KCNH8: variants seen among roughly 807,000 people sequenced by gnomAD.
KCNH8 encodes voltage-gated delayed rectifier potassium channel KCNH8.
A neutral mutation model predicts 103.6 loss-of-function variants in KCNH8; 70 were observed. That is an observed-to-expected ratio of 0.68 (90% CI 0.56 to 0.82). The LOEUF is 0.82. Among genes scored for constraint, KCNH8 ranks in the 40% least tolerant of loss-of-function variants. KCNH8 has a pLI of 0.00. For synonymous variants in KCNH8, 498 were observed against 489.4 expected, an observed-to-expected ratio of 1.02 and a Z score of -0.23; for missense variants, 1,217 against 1,329.9, an observed-to-expected ratio of 0.92 and a Z score of 1.32.
rs547368644 is a variant in KCNH8 at position 19,464,951 on chromosome 3, G to T, written c.2040+7969G>T. 2.3e-3 allele frequency among the ~76,000 whole-genome samples: 355 copies of T among 152,208 alleles called. 1 individual carries two copies. The highest frequency in any genetic ancestry group is 6.8e-3 in the Middle Eastern group (2 of 294). On this transcript the variant is annotated intron_variant, in intron 11 of 15. Coordinates refer to ENST00000328405, the MANE Select transcript of KCNH8 (RefSeq NM_144633.3). ...GTATCAAGATAAGTAATTGAGATTA[G>T]CAGAAATAGCACCCAAGATGCCAAA...
chr3:19,414,402 A>G, intron 7 of KCNH8, among the ~76,000 whole-genome samples: 1 of 152,092 alleles, frequency 6.6e-6, no homozygotes, highest in East Asian at 1.9e-4. Context: ...AAACATATGG[A>G]AAAACATTGA....
Position 19,173,130 on chromosome 3 carries a change from C to A in KCNH8, c.76+24335C>A, listed in dbSNP as rs564462744. 2.6e-5 allele frequency among the ~76,000 whole-genome samples: 4 copies of A among 152,082 alleles called. No individual in the cohort carries two copies. In the South Asian group the frequency reaches 8.3e-4, roughly 32 times the overall value. Reference sequence around the variant, plus strand: ...CAGATTCCCAGGCTCTGTCCAAAAACTGCTGAATCAGAATCCCTTAGGAGA... The same window carrying A: ...CAGATTCCCAGGCTCTGTCCAAAAAATGCTGAATCAGAATCCCTTAGGAGA... On this transcript the variant is annotated intron_variant, in intron 1 of 15. Transcript: ENST00000328405.
chr3:19,514,770 A>C (rs1179770353), intron 13 of KCNH8, among the ~76,000 whole-genome samples: 2 of 151,838 alleles, frequency 1.3e-5, no homozygotes, highest in East Asian at 3.9e-4. Flanking sequence ...CTGTGATGCT[A>C]AGGGTTAAAA....
intron 8 of KCNH8, among the ~76,000 whole-genome samples, chr3:19,440,791 A>G (rs1367859110): frequency 2.0e-5 from 3 of 152,202 alleles, no homozygotes; most frequent in African/African-American, 4.8e-5. Context: ...TTTATGTTCC[A>G]TTCTCTGTTC....
At chr3:19,209,420 T>C (rs906999269) in intron 1 of KCNH8, among the ~76,000 whole-genome samples, 2 of 152,086 alleles carry the variant, frequency 1.3e-5, no homozygotes, top group African/African-American at 4.8e-5. Flanking sequence ...ATCTAGAAAG[T>C]AATGCTGATA....
chr3:19,350,078 G>T (rs948929186), intron 5 of KCNH8, among the ~76,000 whole-genome samples: 1 of 151,990 alleles, frequency 6.6e-6, no homozygotes, highest in African/African-American at 2.4e-5. Context: ...GCTGTTATCT[G>T]CCTGCTCTTT....
intron 10 of KCNH8, among the ~76,000 whole-genome samples, chr3:19,453,969 G>C (rs572667933): frequency 1.3e-4 from 20 of 152,144 alleles, no homozygotes; most frequent in Admixed American, 5.9e-4. Context: ...TTAGAGTAAA[G>C]GTAGGGTTTG....
intron 2 of KCNH8, among the ~76,000 whole-genome samples, chr3:19,260,369 T>C (rs1240305627): frequency 1.3e-5 from 2 of 150,436 alleles, no homozygotes; most frequent in Admixed American, 1.3e-4. Flanking sequence ...GGAAGCAAAT[T>C]TCTTCATGAC....
chr3:19,189,332 A>C (rs2063530240), intron 1 of KCNH8, among the ~76,000 whole-genome samples: 1 of 152,056 alleles, frequency 6.6e-6, no homozygotes, highest in African/African-American at 2.4e-5. Flanking sequence ...TATGAAAATT[A>C]GTATACTGTG....
chr3:19,375,463 CT>C (rs2066179336), intron 5 of KCNH8, among the ~76,000 whole-genome samples: 1 of 150,988 alleles, frequency 6.6e-6, no homozygotes, highest in East Asian at 1.9e-4. Flanking sequence ...CCATCAGCTC[CT>C]TTAAGCACTT....
Position 19,377,594 on chromosome 3 carries a change from G to A in KCNH8, c.812-12887G>A, listed in dbSNP as rs140914072. On this transcript the variant is annotated intron_variant, in intron 5 of 15. Coordinates refer to ENST00000328405, the MANE Select transcript of KCNH8 (RefSeq NM_144633.3). ...GGTGACCTCAACGGATCATATTAAT[G>A]CCTTGGTTTTAGCAAACAACACTAA... is the stretch of plus-strand genomic sequence containing the variant. 5.0e-4 allele frequency among the ~76,000 whole-genome samples: 76 copies of A among 152,268 alleles called. 1 individual carries two copies. Among genetic ancestry groups the A allele is most frequent in the Admixed American group, 4.1e-3 (63 of 15,298 alleles).
chr3:19,218,973 A>T (rs1473979707), intron 1 of KCNH8, among the ~76,000 whole-genome samples: 1 of 152,134 alleles, frequency 6.6e-6, no homozygotes. Context: ...TCTATTTCCA[A>T]ATCAGGTCAC....
chr3:19,260,710 T>C (rs949370628), intron 2 of KCNH8, among the ~76,000 whole-genome samples: 4 of 148,678 alleles, frequency 2.7e-5, no homozygotes, highest in African/African-American at 9.7e-5. Context: ...AACTTGTTCA[T>C]GCTGCATATT....
intron 1 of KCNH8, among the ~76,000 whole-genome samples, chr3:19,209,722 T>C (rs1420470144): frequency 6.6e-6 from 1 of 151,562 alleles, no homozygotes; most frequent in East Asian, 1.9e-4. Context: ...GGTGTATGTA[T>C]TGTCAATGGT....
At chr3:19,175,220 AT>A (rs200814505) in intron 1 of KCNH8, among the ~76,000 whole-genome samples, 2,402 of 137,654 alleles carry the variant, frequency 0.017, 37 homozygotes, top group African/African-American at 0.054. Flanking sequence ...CTGTTTTGTA[AT>A]TTTTTTTTTT....
intron 1 of KCNH8, among the ~76,000 whole-genome samples, chr3:19,172,795 C>A (rs2063360523): frequency 2.0e-5 from 3 of 152,188 alleles, no homozygotes; most frequent in Admixed American, 1.3e-4. Flanking sequence ...AAGCTCTTAT[C>A]TACCTTGTGG....
chr3:19,195,711 C>T (rs1026826808), intron 1 of KCNH8, among the ~76,000 whole-genome samples: 2 of 151,968 alleles, frequency 1.3e-5, no homozygotes, highest in South Asian at 4.1e-4. Context: ...GACCCAAGCT[C>T]AGCCAATCAG....
rs534497920 is a variant in KCNH8 at position 19,368,606 on chromosome 3, C to T, written c.811+20641C>T. ...GCTGGAGTGGAATGTTTCAAGAGAC[C>T]GTCCTCAAATAAGGCCATTGAATAA... On this transcript the variant is annotated intron_variant, in intron 5 of 15. Coordinates refer to ENST00000328405, the MANE Select transcript of KCNH8 (RefSeq NM_144633.3). Among the ~76,000 whole-genome samples the T allele has an allele frequency of 2.3e-4, 35 of 151,890 alleles. 1 individual carries two copies. The highest frequency in any genetic ancestry group is 7.7e-4 in the African/African-American group (32 of 41,468).
At chr3:19,264,239 G>A (rs1330476772) in intron 2 of KCNH8, among the ~76,000 whole-genome samples, 2 of 152,090 alleles carry the variant, frequency 1.3e-5, no homozygotes, top group Non-Finnish European at 2.9e-5. Context: ...TAGCAGAAAG[G>A]CAAAGGGTTG....
Sources: allele counts gnomAD v4.1 joint callset (sites outside exome capture counted in the v4.1 genomes callset), GRCh38; gene constraint gnomAD v4.1.1; transcripts MANE v1.5; gene names NCBI Gene and HGNC (gene_info 2026-07-23, HGNC 2026-07-21).